RYR2: variants seen among roughly 807,000 people sequenced by gnomAD.
The protein encoded by RYR2 is ryanodine receptor 2.
Under a neutral mutation model 601.1 loss-of-function variants are expected in RYR2, and 227 were observed. The observed-to-expected ratio is 0.38, with a 90% CI of 0.34 to 0.42. The LOEUF (loss-of-function observed/expected upper bound fraction) is 0.42. RYR2 is among the 10% of genes least tolerant of loss of function. RYR2 has a pLI of 1.00. For missense variants in RYR2, 4,646 were observed against 6,156.5 expected (o/e 0.75, Z 8.21); for synonymous variants, 2,223 against 2,175.1 (o/e 1.02, Z -0.61).
chr1:237,410,257 G>A (rs1704306732), intron 10 of RYR2, among the ~76,000 whole-genome samples: 1 of 152,094 alleles, frequency 6.6e-6, no homozygotes. Flanking sequence ...GGCTTTTTTG[G>A]ATAAGCCAAG....
chr1:237,295,255 G>T (rs1196635315), intron 2 of RYR2, among the ~76,000 whole-genome samples: 1 of 144,152 alleles, frequency 6.9e-6, no homozygotes, highest in African/African-American at 2.6e-5. Context: ...AACAAAAGAA[G>T]AAACCGTACT....
intron 17 of RYR2, among the ~76,000 whole-genome samples, chr1:237,476,832 A>G (rs1661465838): frequency 6.6e-6 from 1 of 152,202 alleles, no homozygotes; most frequent in Admixed American, 6.5e-5. Flanking sequence ...ATCCATTATT[A>G]GTGATGCAGA....
At chr1:237,713,926 A>C (rs1458834423) in intron 71 of RYR2, among the ~76,000 whole-genome samples, 2 of 152,060 alleles carry the variant, frequency 1.3e-5, no homozygotes, top group Admixed American at 6.6e-5. Flanking sequence ...AAATACAAAA[A>C]AGTATCTTTT....
chr1:237,149,331 C>A (rs568785995), intron 1 of RYR2, among the ~76,000 whole-genome samples: 45 of 120,180 alleles, frequency 3.7e-4, no homozygotes, highest in African/African-American at 1.2e-3. Flanking sequence ...AAACAAAAAA[C>A]CAAAAACAAA....
chr1:237,706,584 G>A (rs1412957920), intron 67 of RYR2, among the ~76,000 whole-genome samples: 2 of 152,154 alleles, frequency 1.3e-5, no homozygotes, highest in Non-Finnish European at 2.9e-5. Flanking sequence ...GTATTTGGTG[G>A]AGCCGTGAGT....
At chr1:237,303,461 G>A (rs887735517) in intron 2 of RYR2, among the ~76,000 whole-genome samples, 2 of 151,634 alleles carry the variant, frequency 1.3e-5, no homozygotes, top group Admixed American at 1.3e-4. Flanking sequence ...CACCACTCCT[G>A]GCTAATTTTT....
intron 1 of RYR2, among the ~76,000 whole-genome samples, chr1:237,109,308 A>C (rs894892705): frequency 6.6e-6 from 1 of 151,654 alleles, no homozygotes; most frequent in Non-Finnish European, 1.5e-5. Context: ...ATATTTTTTG[A>C]AATTGAGAAA....
At position 237,528,040 on chromosome 1, in the gene RYR2, T is replaced by C. The variant is rs138030768; in HGVS notation, c.2823-2387T>C. ...GTTATCAGCTTGATTGTCATGACAC[T>C]GTAGTGCTTTTGTTCAAGTAACCCT... On this transcript the variant is annotated intron_variant, in intron 24 of 104. Coordinates refer to ENST00000366574, the MANE Select transcript of RYR2 (RefSeq NM_001035.3). Among the ~76,000 whole-genome samples, 534 of 152,294 alleles carry C rather than the reference T, an allele frequency of 3.5e-3. 4 individuals carry two copies. Among genetic ancestry groups the C allele is most frequent in the African/African-American group, 0.012 (504 of 41,568 alleles).
chr1:237,042,693 AG>A (rs930328189), intron 1 of RYR2, 124 bp downstream of exon 1: 51 of 906,838 alleles, frequency 5.6e-5, no homozygotes, highest in Non-Finnish European at 7.2e-5. Context: ...GTGCCCCCTG[AG>A]GATGCGGGAG....
At chr1:237,729,626 C>G (rs910113884) in intron 76 of RYR2, among the ~76,000 whole-genome samples, 2 of 152,054 alleles carry the variant, frequency 1.3e-5, no homozygotes, top group Non-Finnish European at 2.9e-5. Flanking sequence ...TCTTTCTTAC[C>G]TTGACATCTT....
At chr1:237,117,756 T>TCTTCC (rs1670298624) in intron 1 of RYR2, among the ~76,000 whole-genome samples, 3 of 139,154 alleles carry the variant, frequency 2.2e-5, no homozygotes, top group African/African-American at 8.2e-5. Flanking sequence ...TCTTCTCTTC[T>TCTTCC]CTGTTCTGAG....
At chr1:237,123,593 A>G (rs1671056316) in intron 1 of RYR2, among the ~76,000 whole-genome samples, 2 of 151,850 alleles carry the variant, frequency 1.3e-5, no homozygotes, top group African/African-American at 2.4e-5. Context: ...TCTCTTAACA[A>G]CAAAAATAAC....
chr1:237,356,220 T>C (rs890584602), intron 4 of RYR2, among the ~76,000 whole-genome samples: 2 of 152,132 alleles, frequency 1.3e-5, no homozygotes, highest in Non-Finnish European at 2.9e-5. Flanking sequence ...AACCACATAG[T>C]TTTTATATAA....
At chr1:237,143,573 T>TA (rs745775067) in intron 1 of RYR2, among the ~76,000 whole-genome samples, 181 of 152,250 alleles carry the variant, frequency 1.2e-3, no homozygotes, top group Non-Finnish European at 1.6e-3. Context: ...GGGCAGAACT[T>TA]ACCGTGTAGA....
At chr1:237,627,162 A>G (rs1390041877) in intron 40 of RYR2, among the ~76,000 whole-genome samples, 2 of 152,200 alleles carry the variant, frequency 1.3e-5, no homozygotes, top group Non-Finnish European at 2.9e-5. Context: ...TTATTTGAAA[A>G]GATTTGGACT....
intron 1 of RYR2, among the ~76,000 whole-genome samples, chr1:237,211,395 A>C (rs148984370): frequency 6.6e-6 from 1 of 152,188 alleles, no homozygotes; most frequent in East Asian, 1.9e-4. Context: ...TGTTAGCATG[A>C]TAATTTTGCA....
At chr1:237,696,772 C>T (rs1267474747) in intron 63 of RYR2, among the ~76,000 whole-genome samples, 7 of 151,470 alleles carry the variant, frequency 4.6e-5, no homozygotes, top group Non-Finnish European at 7.4e-5. Context: ...TGACTGCTTT[C>T]CCGCTCACCT....
At chr1:237,410,388 C>T (rs4291489) in intron 10 of RYR2, among the ~76,000 whole-genome samples, 60,234 of 151,900 alleles carry the variant, frequency 0.4, 13,810 homozygotes, top group African/African-American at 0.65. Context: ...AAGACATTTC[C>T]TTCAATTTAT....
rs1405807062 is a variant in RYR2 at position 237,708,834 on chromosome 1, A to G, written c.9902-24A>G. 3 of 1,595,668 alleles carry G rather than the reference A, an allele frequency of 1.9e-6. No individual in the cohort carries two copies. The African/African-American group carries it at 4.0e-5, about 21-fold the overall frequency. On this transcript the variant is annotated intron_variant, in intron 68 of 104. Coordinates refer to ENST00000366574, the MANE Select transcript of RYR2 (RefSeq NM_001035.3). ...TTAATGAATGGTTTTACAGAGCAGA[A>G]TACTAATGTCTGTCTTTAAACAGTG... is the stretch of plus-strand genomic sequence containing the variant.
Sources: allele counts gnomAD v4.1 joint callset (sites outside exome capture counted in the v4.1 genomes callset), GRCh38; gene constraint gnomAD v4.1.1; transcripts MANE v1.5; gene names NCBI Gene and HGNC (gene_info 2026-07-23, HGNC 2026-07-21).